The following RP1 variants were observed in gnomAD, a reference collection of about 807,000 sequenced individuals.
RP1 encodes oxygen-regulated protein 1.
RP1 carries 16 observed loss-of-function variants against 14.8 expected under a neutral mutation model. That is an observed-to-expected ratio of 1.08 (90% CI 0.73 to 1.65). The LOEUF (loss-of-function observed/expected upper bound fraction) is 1.65, where lower values mean the gene tolerates loss of function less well. Among genes scored for constraint, RP1 ranks in the 40% most tolerant of loss-of-function variants. The probability of loss-of-function intolerance (pLI) is 0.00; values close to 1 mark genes in which losing one functional copy is unlikely to be tolerated. For synonymous variants in RP1, 876 were observed against 883.6 expected (o/e 0.99, Z 0.15); for missense variants, 2,631 against 2,535.0 (o/e 1.04, Z -0.81).
intron 6 of RP1, among the ~76,000 whole-genome samples, chr8:54,657,499 C>T (rs1466597684): frequency 6.6e-6 from 1 of 152,076 alleles, no homozygotes; most frequent in Non-Finnish European, 1.5e-5. Flanking sequence ...TTATCTAGGT[C>T]AGTGGTAGAT....
intron 1 of RP1, among the ~76,000 whole-genome samples, chr8:54,595,670 A>T (rs1805126335): frequency 6.6e-6 from 1 of 152,238 alleles, no homozygotes. Flanking sequence ...ATAAACCCAG[A>T]GTCTACTCGC....
intron 18 of RP1, among the ~76,000 whole-genome samples, chr8:54,736,216 T>C (rs908182099): frequency 1.3e-5 from 2 of 152,136 alleles, no homozygotes; most frequent in Non-Finnish European, 2.9e-5. Context: ...GCACTATCTT[T>C]ATGTATAGAA....
chr8:54,827,338 T>A (rs1192046268), intron 24 of RP1, among the ~76,000 whole-genome samples: 1 of 152,214 alleles, frequency 6.6e-6, no homozygotes, highest in Non-Finnish European at 1.5e-5. Flanking sequence ...GTATTTTTTT[T>A]TTTTTTTAGA....
At chr8:54,808,628 T>C (rs2129392162) in intron 24 of RP1, among the ~76,000 whole-genome samples, 1 of 152,368 alleles carries the variant, frequency 6.6e-6, no homozygotes, top group Non-Finnish European at 1.5e-5. Flanking sequence ...CCTTTCATTT[T>C]TCACTTGACC....
At chr8:54,727,163 A>G (rs954932390) in intron 17 of RP1, among the ~76,000 whole-genome samples, 3 of 152,108 alleles carry the variant, frequency 2.0e-5, no homozygotes, top group African/African-American at 7.2e-5. Context: ...TTTCTTTTAG[A>G]TAGTAATATA....
intron 24 of RP1, among the ~76,000 whole-genome samples, chr8:54,826,971 G>T (rs781760148): frequency 3.3e-5 from 5 of 152,182 alleles, no homozygotes; most frequent in African/African-American, 4.8e-5. Context: ...GTAGTCACTT[G>T]TAACACAATG....
At position 54,629,823 on chromosome 8, in the gene RP1, A is replaced by G. The variant is rs756787118; in HGVS notation, c.5941A>G (p.Ile1981Val). 6.2e-7 allele frequency: 1 copy of G among 1,612,970 alleles called. No homozygotes were observed. Among genetic ancestry groups the G allele is most frequent in the Non-Finnish European group, 8.5e-7 (1 of 1,179,666 alleles). Residue 1981 changes from isoleucine (I) to valine (V), a missense_variant, in exon 4 of 4, where the codon ATT (isoleucine) becomes GTT (valine). Transcript: ENST00000220676. Reference protein sequence around the residue: ...NNKASMRQNLIDNAIGDIFDQ... With the variant: ...NNKASMRQNLVDNAIGDIFDQ... Reference sequence around the variant, plus strand: ...TAAAGCAAGTATGAGACAAAATCTTATTGATAATGCCATTGGTGATATATT... The same window carrying G: ...TAAAGCAAGTATGAGACAAAATCTTGTTGATAATGCCATTGGTGATATATT...
chr8:54,751,978 G>C (rs1308071194), intron 19 of RP1, among the ~76,000 whole-genome samples: 2 of 152,064 alleles, frequency 1.3e-5, no homozygotes, highest in Non-Finnish European at 2.9e-5. Context: ...GGGATGGCGG[G>C]GCCTCAGAAA....
intron 1 of RP1, among the ~76,000 whole-genome samples, chr8:54,609,058 G>A (rs1051690765): frequency 4.6e-5 from 7 of 152,342 alleles, no homozygotes; most frequent in Middle Eastern, 3.4e-3. Flanking sequence ...CAGGCAGTAA[G>A]CTATGATGGA....
At chr8:54,707,664 G>A (rs1264288311) in intron 15 of RP1, among the ~76,000 whole-genome samples, 1 of 152,194 alleles carries the variant, frequency 6.6e-6, no homozygotes, top group Non-Finnish European at 1.5e-5. Context: ...TAGCTATAAG[G>A]AAGAACTTGC....
chr8:54,678,584 C>A, intron 9 of RP1: 1 of 1,464,410 alleles, frequency 6.8e-7, no homozygotes, highest in South Asian at 1.2e-5. Flanking sequence ...CATGTTAGTT[C>A]CAAGTTTGTG....
chr8:54,713,174 C>T (rs571895163), intron 15 of RP1, among the ~76,000 whole-genome samples: 12 of 151,820 alleles, frequency 7.9e-5, no homozygotes, highest in African/African-American at 2.2e-4. Context: ...TAGGCAAATA[C>T]ACTTACATTT....
chr8:54,600,365 G>C (rs1403492545), intron 1 of RP1, among the ~76,000 whole-genome samples: 1 of 152,136 alleles, frequency 6.6e-6, no homozygotes, highest in African/African-American at 2.4e-5. Flanking sequence ...CCGAGTCTTG[G>C]GAATGGCTTT....
At chr8:54,855,896 A>G (rs1647630872) in intron 26 of RP1, among the ~76,000 whole-genome samples, 1 of 151,242 alleles carries the variant, frequency 6.6e-6, no homozygotes, top group African/African-American at 2.4e-5. Context: ...TACGGAGTGC[A>G]TATTAGTATA....
At chr8:54,645,415 T>A (rs1001623441) in intron 3 of RP1, among the ~76,000 whole-genome samples, 2 of 152,188 alleles carry the variant, frequency 1.3e-5, no homozygotes, top group Admixed American at 6.5e-5. Flanking sequence ...AGTTATTATA[T>A]GTAGTGCTCT....
In RP1 at chr8:54,625,354, G is replaced by A. The variant is rs758334212; in HGVS notation, c.1472G>A (p.Ser491Asn). 82 of 1,614,052 alleles carry A rather than the reference G, an allele frequency of 5.1e-5. No individual in the cohort carries two copies. The highest frequency in any genetic ancestry group is 4.7e-4 in the South Asian group (43 of 91,084). ...TTTTCATATAGTGAAGAAAGGGAAA[G>A]TGGGGAAAACAAGTCTGAGTATCAC... is the stretch of plus-strand genomic sequence containing the variant. ...GQFSYSEERE[S>N]GENKSEYHMF... Residue 491 changes from serine (S) to asparagine (N), a missense_variant, in exon 4 of 4, where the codon AGT (serine) becomes AAT (asparagine). Ser to Asn is a conservative substitution (Grantham distance 46, BLOSUM62 1). Transcript: ENST00000220676.
At chr8:54,802,276 T>C (rs1810731629) in intron 24 of RP1, among the ~76,000 whole-genome samples, 1 of 152,200 alleles carries the variant, frequency 6.6e-6, no homozygotes, top group Non-Finnish European at 1.5e-5. Flanking sequence ...ATTCTTTTCC[T>C]ATGACAATAT....
chr8:54,629,448 G>T lies in RP1; in HGVS notation c.5566G>T (p.Gly1856Cys). ...AGCAAATCATCATACAGAGGAGAAG[G>T]GTAGTCATCAGTCAGAAAGAGTATG... ...RIANHHTEEK[G>C]SHQSERVCTS... The change falls in exon 4 of 4, where the codon GGT (glycine) becomes TGT (cysteine). Residue 1856 changes from glycine to cysteine, a missense_variant. Transcript: ENST00000220676. The T allele has an allele frequency of 6.2e-7, 1 of 1,614,100 alleles. No homozygotes were observed. Among genetic ancestry groups the T allele is most frequent in the Non-Finnish European group, 8.5e-7 (1 of 1,179,986 alleles).
intron 8 of RP1, among the ~76,000 whole-genome samples, chr8:54,676,431 C>T (rs1807296607): frequency 6.6e-6 from 1 of 152,194 alleles, no homozygotes; most frequent in Non-Finnish European, 1.5e-5. Flanking sequence ...GAATAAAAAT[C>T]TGCAGGCTTC....
Sources: allele counts gnomAD v4.1 joint callset (sites outside exome capture counted in the v4.1 genomes callset), GRCh38; gene constraint gnomAD v4.1.1; transcripts MANE v1.5; gene names NCBI Gene and HGNC (gene_info 2026-07-23, HGNC 2026-07-21).